Variants in ROBO1 observed in about 807,000 individuals in gnomAD.
ROBO1 encodes the protein roundabout guidance receptor 1.
ROBO1 carries 149 observed loss-of-function variants against 195.9 expected under a neutral mutation model. The observed-to-expected ratio is 0.76, with a 90% confidence interval of 0.67 to 0.87. The LOEUF is 0.87. Among genes scored for constraint, ROBO1 ranks in the 40% least tolerant of loss-of-function variants. ROBO1 has a pLI of 0.00. For synonymous variants in ROBO1, 816 were observed against 733.2 expected (o/e 1.11, Z -1.82); for missense variants, 1,933 against 2,068.3 (o/e 0.93, Z 1.27).
intron 1 of ROBO1, among the ~76,000 whole-genome samples, chr3:79,686,259 A>G (rs546110480): frequency 6.6e-6 from 1 of 152,354 alleles, no homozygotes; most frequent in South Asian, 2.1e-4. Context: ...CCCATAGCCA[A>G]TATCATACTG....
At chr3:78,958,191 G>A (rs1424087779) in intron 3 of ROBO1, among the ~76,000 whole-genome samples, 1 of 152,122 alleles carries the variant, frequency 6.6e-6, no homozygotes, top group East Asian at 1.9e-4. Context: ...CCTAGAGCAA[G>A]GTTCAAAATA....
intron 25 of ROBO1, among the ~76,000 whole-genome samples, chr3:78,629,192 T>C (rs915307884): frequency 1.3e-5 from 2 of 152,186 alleles, no homozygotes; most frequent in African/African-American, 4.8e-5. Context: ...CTGAGAACCT[T>C]CTCATTTGTC....
Position 78,849,909 on chromosome 3 carries a change from A to G in ROBO1, c.499+88692T>C, listed in dbSNP as rs1011321391. Among the ~76,000 whole-genome samples, 9 of 151,566 alleles carry G rather than the reference A, an allele frequency of 5.9e-5. No individual in the cohort carries two copies. The East Asian group carries it at 1.6e-3, about 26-fold the overall frequency. ...GCACTGCATAACAATGTTTTAGTCA[A>G]TGACAGACCACATATACAACTGTGG... is the stretch of plus-strand genomic sequence containing the variant. On this transcript the variant is annotated intron_variant, in intron 4 of 30. Transcript: ENST00000464233.
At chr3:78,833,830 CATG>C (rs1245830313) in intron 4 of ROBO1, among the ~76,000 whole-genome samples, 2 of 152,024 alleles carry the variant, frequency 1.3e-5, no homozygotes, top group Non-Finnish European at 2.9e-5. Flanking sequence ...GAGAACTCAG[CATG>C]ATATTTGGCA....
At chr3:79,167,543 C>T (rs1397153436) in intron 2 of ROBO1, among the ~76,000 whole-genome samples, 1 of 152,154 alleles carries the variant, frequency 6.6e-6, no homozygotes, top group Non-Finnish European at 1.5e-5. Flanking sequence ...TATGCAATTG[C>T]CTTCTAAGAG....
intron 4 of ROBO1, among the ~76,000 whole-genome samples, chr3:78,878,291 T>C (rs1358890373): frequency 6.6e-6 from 1 of 151,942 alleles, no homozygotes. Context: ...GATGTGTAAT[T>C]TTAAAATACT....
At chr3:79,395,340 A>AAAAAGAAAGAAAGAAAGAAAGAAAGAAAG (rs71631648) in intron 2 of ROBO1, among the ~76,000 whole-genome samples, 16 of 119,086 alleles carry the variant, frequency 1.3e-4, no homozygotes, top group African/African-American at 4.6e-4. Context: ...AAAAAAAAAA[A>AAAAAGAAAGAAAGAAAGAAAGAAAGAAAG]AAAGAAAGAA....
intron 3 of ROBO1, among the ~76,000 whole-genome samples, chr3:79,034,571 C>T (rs1374881): frequency 0.99 from 150,573 of 152,274 alleles, 74,451 homozygotes; most frequent in East Asian, 1. Context: ...GGTATTAAAA[C>T]AACGTGGGAA....
chr3:79,494,735 C>T (rs987244567), intron 2 of ROBO1, among the ~76,000 whole-genome samples: 8 of 151,800 alleles, frequency 5.3e-5, no homozygotes, highest in East Asian at 1.9e-4. Flanking sequence ...AAATGAAGAA[C>T]GAATAGAAAA....
intron 3 of ROBO1, among the ~76,000 whole-genome samples, chr3:78,994,028 C>T (rs1301248464): frequency 2.0e-5 from 3 of 152,022 alleles, no homozygotes; most frequent in Non-Finnish European, 4.4e-5. Context: ...GTTCCCAGCA[C>T]TTACATGAAG....
intron 1 of ROBO1, among the ~76,000 whole-genome samples, chr3:79,759,643 T>TA (rs1288779675): frequency 6.6e-6 from 1 of 152,190 alleles, no homozygotes; most frequent in Non-Finnish European, 1.5e-5. Context: ...CAGTTTGTCT[T>TA]AAAAAAATGG....
chr3:79,670,499 A>G (rs1318413034), intron 1 of ROBO1, among the ~76,000 whole-genome samples: 2 of 151,836 alleles, frequency 1.3e-5, no homozygotes, highest in Non-Finnish European at 2.9e-5. Flanking sequence ...ATCAACTCAT[A>G]CTCTAAACTT....
At chr3:79,247,393 G>A (rs1165816274) in intron 2 of ROBO1, among the ~76,000 whole-genome samples, 1 of 150,412 alleles carries the variant, frequency 6.6e-6, no homozygotes, top group African/African-American at 2.5e-5. Flanking sequence ...TTGTTTGAAA[G>A]GTTTAAAGCA....
intron 4 of ROBO1, among the ~76,000 whole-genome samples, chr3:78,863,556 A>G (rs2107032733): frequency 6.6e-6 from 1 of 152,290 alleles, no homozygotes; most frequent in South Asian, 2.1e-4. Flanking sequence ...CCTACCACTG[A>G]GCCAACAGCT....
At chr3:79,263,523 A>G (rs1397401061) in intron 2 of ROBO1, among the ~76,000 whole-genome samples, 1 of 151,994 alleles carries the variant, frequency 6.6e-6, no homozygotes, top group East Asian at 1.9e-4. Flanking sequence ...GGGTGGTGGC[A>G]TACATAGCTA....
chr3:79,674,274 G>A (rs925800556), intron 1 of ROBO1, among the ~76,000 whole-genome samples: 6 of 151,784 alleles, frequency 4.0e-5, no homozygotes, highest in African/African-American at 7.3e-5. Context: ...AACCTTATAC[G>A]GTAATGTTTG....
chr3:79,636,408 G>A (rs1945497656), intron 1 of ROBO1, among the ~76,000 whole-genome samples: 3 of 152,090 alleles, frequency 2.0e-5, no homozygotes, highest in African/African-American at 4.8e-5. Flanking sequence ...TTTTAACAAG[G>A]CACTTGTTAG....
intron 2 of ROBO1, among the ~76,000 whole-genome samples, chr3:79,204,237 T>TA (rs983299077): frequency 6.6e-6 from 1 of 152,190 alleles, no homozygotes; most frequent in African/African-American, 2.4e-5. Context: ...ATTTTTCTCT[T>TA]ACAGTTATTT....
chr3:79,727,411 A>T (rs943691012), intron 1 of ROBO1, among the ~76,000 whole-genome samples: 12 of 152,202 alleles, frequency 7.9e-5, no homozygotes, highest in Admixed American at 6.5e-4. Flanking sequence ...GCAATTCATA[A>T]ACAAGGTTTT....
Sources: allele counts gnomAD v4.1 joint callset (sites outside exome capture counted in the v4.1 genomes callset), GRCh38; gene constraint gnomAD v4.1.1; transcripts MANE v1.5; gene names NCBI Gene and HGNC (gene_info 2026-07-23, HGNC 2026-07-21).